FARS2: variants seen among roughly 807,000 people sequenced by gnomAD.
FARS2 encodes the protein phenylalanine--tRNA ligase, mitochondrial.
In FARS2, 40 loss-of-function variants were observed where a neutral mutation model predicts 46.4. That is an observed-to-expected ratio of 0.86 (90% CI 0.67 to 1.12). The LOEUF (loss-of-function observed/expected upper bound fraction) is 1.12. FARS2 is among the 50% of genes most tolerant of loss of function. The pLI, the probability that FARS2 is intolerant of heterozygous loss-of-function variation, is 0.00. For synonymous variants in FARS2, 234 were observed against 214.9 expected, an observed-to-expected ratio of 1.09 and a Z score of -0.78; for missense variants, 513 against 567.9, an observed-to-expected ratio of 0.90 and a Z score of 0.98.
chr6:5,672,346 G>A (rs1037196934), intron 6 of FARS2, among the ~76,000 whole-genome samples: 1 of 152,120 alleles, frequency 6.6e-6, no homozygotes, highest in African/African-American at 2.4e-5. Flanking sequence ...CCACCGTGAC[G>A]CAGCTTACAA....
At chr6:5,585,054 T>G (rs1314221363) in intron 5 of FARS2, among the ~76,000 whole-genome samples, 2 of 152,176 alleles carry the variant, frequency 1.3e-5, no homozygotes, top group Non-Finnish European at 2.9e-5. Context: ...CTAAAGCTCT[T>G]TAAGATTCAT....
chr6:5,584,108 G>GACACAC (rs143867485), intron 5 of FARS2, among the ~76,000 whole-genome samples: 45,615 of 122,748 alleles, frequency 0.37, 10,107 homozygotes, highest in Non-Finnish European at 0.5. Context: ...TTCTCTCTCT[G>GACACAC]ACACACACAC....
the FARS2 span, among the ~76,000 whole-genome samples, chr6:5,254,362 T>C: frequency 1.8e-3 from 274 of 152,336 alleles, 2 homozygotes; most frequent in Middle Eastern, 6.8e-3. Flanking sequence ...TTCCAAGAGT[T>C]TGTAGAATCC....
chr6:5,602,488 A>C (rs1774578701), intron 5 of FARS2, among the ~76,000 whole-genome samples: 1 of 151,914 alleles, frequency 6.6e-6, no homozygotes, highest in East Asian at 1.9e-4. Flanking sequence ...CTCTACTAAA[A>C]ATAGAAAAAT....
upstream of FARS2, among the ~76,000 whole-genome samples, chr6:5,258,708 T>C (rs2773319): frequency 0.26 from 39,173 of 152,130 alleles, 5,856 homozygotes; most frequent in African/African-American, 0.41. Flanking sequence ...GATTATCAGA[T>C]TCCTTTGGAT....
At chr6:5,354,227 G>A (rs1429385974) in intron 1 of FARS2, among the ~76,000 whole-genome samples, 1 of 151,982 alleles carries the variant, frequency 6.6e-6, no homozygotes, top group East Asian at 1.9e-4. Flanking sequence ...TTAGCATTCA[G>A]TTCTCATGAG....
At chr6:5,260,737 G>GA, upstream of FARS2, 1 of 1,545,496 alleles carries the variant, frequency 6.5e-7, no homozygotes, top group African/African-American at 1.4e-5. Context: ...CTGCCATTTT[G>GA]GAAAGAAAAA....
At chr6:5,377,100 T>C (rs1759430686) in intron 2 of FARS2, among the ~76,000 whole-genome samples, 1 of 152,218 alleles carries the variant, frequency 6.6e-6, no homozygotes, top group Admixed American at 6.5e-5. Flanking sequence ...ACATTTAGTT[T>C]GCAAAGAATG....
intron 1 of FARS2, among the ~76,000 whole-genome samples, chr6:5,328,611 C>A (rs1325236323): frequency 6.6e-6 from 1 of 151,948 alleles, no homozygotes; most frequent in African/African-American, 2.4e-5. Context: ...AAGGCTACAT[C>A]TTTTCATTGG....
intron 6 of FARS2, among the ~76,000 whole-genome samples, chr6:5,757,007 C>T (rs1193359194): frequency 2.0e-5 from 3 of 152,146 alleles, no homozygotes; most frequent in Non-Finnish European, 4.4e-5. Context: ...GTTTCACAAT[C>T]CCCCCAAGCC....
At chr6:5,686,523 A>G (rs369750180) in intron 6 of FARS2, among the ~76,000 whole-genome samples, 1 of 152,164 alleles carries the variant, frequency 6.6e-6, no homozygotes, top group Non-Finnish European at 1.5e-5. Context: ...CCCTACAAAG[A>G]ACATGAACTC....
At chr6:5,657,378 G>A (rs1271387151) in intron 6 of FARS2, among the ~76,000 whole-genome samples, 2 of 152,210 alleles carry the variant, frequency 1.3e-5, no homozygotes, top group Non-Finnish European at 2.9e-5. Context: ...CTCTTCCACT[G>A]TGCTGCACTG....
At chr6:5,528,462 A>C (rs1053459577) in intron 4 of FARS2, among the ~76,000 whole-genome samples, 2 of 152,176 alleles carry the variant, frequency 1.3e-5, no homozygotes, top group Non-Finnish European at 2.9e-5. Flanking sequence ...TCTAACACTC[A>C]TGGCACTGAT....
rs369789963 is a variant in FARS2, at chr6:5,321,029, C to T, written c.-21-47521C>T. Among the ~76,000 whole-genome samples, 213 of 152,270 alleles carry T rather than the reference C, an allele frequency of 1.4e-3. 6 individuals are homozygous for T. The South Asian group carries it at 0.043, about 31-fold the overall frequency. On this transcript the variant is annotated intron_variant, in intron 1 of 6. Transcript: ENST00000274680. ...AGAAAGTTACATAAGATTCATCTCT[C>T]AACTATATTGGAAATGTCAGGGTTA...
chr6:5,541,509 G>A (rs574157766), intron 4 of FARS2, among the ~76,000 whole-genome samples: 1 of 152,262 alleles, frequency 6.6e-6, no homozygotes, highest in South Asian at 2.1e-4. Context: ...GCCTTGTCTA[G>A]AATGTCATGA....
intron 6 of FARS2, among the ~76,000 whole-genome samples, chr6:5,620,088 T>C (rs1269404505): frequency 6.6e-6 from 1 of 152,112 alleles, no homozygotes; most frequent in African/African-American, 2.4e-5. Flanking sequence ...TTTTAACCTC[T>C]GCACTACTGA....
intron 5 of FARS2, among the ~76,000 whole-genome samples, chr6:5,576,443 C>G (rs995327606): frequency 6.6e-6 from 1 of 152,006 alleles, no homozygotes; most frequent in African/African-American, 2.4e-5. Context: ...CCAAGTTCTA[C>G]AGTTTTGGCA....
At chr6:5,359,568 C>T (rs535563616) in intron 1 of FARS2, among the ~76,000 whole-genome samples, 1 of 152,332 alleles carries the variant, frequency 6.6e-6, no homozygotes, top group South Asian at 2.1e-4. Flanking sequence ...CCTCTTCATG[C>T]AGTTGCCAAG....
chr6:5,320,231 G>T (rs1389279773), intron 1 of FARS2, among the ~76,000 whole-genome samples: 3 of 152,218 alleles, frequency 2.0e-5, no homozygotes, highest in African/African-American at 7.2e-5. Flanking sequence ...CCAGTGGCAT[G>T]GATGCTCCCT....
Sources: allele counts gnomAD v4.1 joint callset (sites outside exome capture counted in the v4.1 genomes callset), GRCh38; gene constraint gnomAD v4.1.1; transcripts MANE v1.5; gene names NCBI Gene and HGNC (gene_info 2026-07-23, HGNC 2026-07-21).